SPEF2: variants seen among roughly 807,000 people sequenced by gnomAD.
The protein encoded by SPEF2 is sperm flagella and cilia-associated protein 2.
A neutral mutation model predicts 224.6 loss-of-function variants in SPEF2; 187 were observed. The ratio of observed to expected loss-of-function variants is 0.83; its 90% confidence interval spans 0.74 to 0.94. The LOEUF (loss-of-function observed/expected upper bound fraction) is 0.94. Among genes scored for constraint, SPEF2 ranks in the 40% least tolerant of loss-of-function variants. The pLI is 0.00. For missense variants in SPEF2, 2,170 were observed against 2,135.6 expected, an observed-to-expected ratio of 1.02 and a Z score of -0.32; for synonymous variants, 715 against 707.3, an observed-to-expected ratio of 1.01 and a Z score of -0.17.
rs1477408961 is a variant in SPEF2, at chr5:35,691,148, C to T, written c.1636C>T (p.Pro546Ser). ...CAGGCTAGCTGAAAAATCTCTTCCT[C>T]CTCGAGCGGAATCAACAACACCTGA... ...LHRLAEKSLP[P>S]RAESTTPELP... is the part of the protein sequence containing the mutation. The change falls in exon 11 of 37, where the codon CCT becomes TCT. Residue 546 changes from proline (P) to serine (S), a missense_variant. Pro to Ser is a moderately conservative substitution (Grantham distance 74, BLOSUM62 -1). Coordinates refer to ENST00000356031, the MANE Select transcript of SPEF2 (RefSeq NM_024867.4). 1.2e-6 allele frequency: 2 copies of T among 1,614,076 alleles called. No homozygotes were observed. Among genetic ancestry groups the T allele is most frequent in the East Asian group, 2.2e-5 (1 of 44,860 alleles).
chr5:35,692,849 G>T (rs115906161), intron 12 of SPEF2, 125 bp downstream of exon 12: 28,202 of 792,010 alleles, frequency 0.036, 561 homozygotes, highest in Middle Eastern at 0.045. Context: ...TAAAAGTTTA[G>T]GTTCTGCAAA....
At chr5:35,663,838 G>C (rs1750058354) in intron 8 of SPEF2, among the ~76,000 whole-genome samples, 1 of 152,160 alleles carries the variant, frequency 6.6e-6, no homozygotes, top group Non-Finnish European at 1.5e-5. Flanking sequence ...ACAGTCATCA[G>C]GTGCAAGCCC....
chr5:35,636,016 A>G (rs1745785119), intron 2 of SPEF2, among the ~76,000 whole-genome samples: 1 of 152,112 alleles, frequency 6.6e-6, no homozygotes, highest in Admixed American at 6.6e-5. Flanking sequence ...GTGTCTCATA[A>G]TTTTTGAAAA....
rs1423805642 is a variant in SPEF2, at chr5:35,779,206, T to C, written c.4307T>C (p.Phe1436Ser). 1 of 1,613,878 alleles carries C rather than the reference T, an allele frequency of 6.2e-7. No homozygotes were observed. The highest frequency in any genetic ancestry group is 8.5e-7 in the Non-Finnish European group (1 of 1,179,850). Reference sequence around the variant, plus strand: ...CTTTATTTAAGCCAAGAAGACTTCTTCATTAATGGCAATATAAAAGTCTTC... The same window carrying C: ...CTTTATTTAAGCCAAGAAGACTTCTCCATTAATGGCAATATAAAAGTCTTC... ...NELYLSQEDFFINGNIKVFPD... is the reference protein window; with the variant it reads ...NELYLSQEDFSINGNIKVFPD... Residue 1436 changes from phenylalanine to serine, a missense_variant, in exon 30 of 37, where the codon TTC (phenylalanine) becomes TCC (serine). Transcript: ENST00000356031.
At chr5:35,811,517 G>T (rs951131951) in intron 36 of SPEF2, among the ~76,000 whole-genome samples, 1 of 151,774 alleles carries the variant, frequency 6.6e-6, no homozygotes. Context: ...CACTGACTGG[G>T]TTCATACCTA....
chr5:35,781,365 T>C (rs1168855814), intron 30 of SPEF2: 1 of 151,942 alleles, frequency 6.6e-6, no homozygotes, highest in African/African-American at 2.4e-5. Flanking sequence ...GAGCAAAACT[T>C]TGGAGGGAGA....
chr5:35,718,205 G>C (rs1384947760), intron 20 of SPEF2, among the ~76,000 whole-genome samples: 1 of 152,160 alleles, frequency 6.6e-6, no homozygotes, highest in Non-Finnish European at 1.5e-5. Context: ...AGGCTTCTGG[G>C]TTCCCTTCCC....
chr5:35,659,038 A>T lies in SPEF2; in HGVS notation c.998A>T (p.Gln333Leu). The change falls in exon 8 of 37, where the codon CAG (glutamine) becomes CTG (leucine). Residue 333 changes from glutamine to leucine, a missense_variant. Physicochemically the swap from Gln to Leu is moderately radical, Grantham distance 113. Transcript: ENST00000356031. ...TTTCAGGAGGCTTATCGGGAGGAACAGCTGATTAACCGGCTGATGCGGCAG... is the reference window on the plus strand; with the variant it reads ...TTTCAGGAGGCTTATCGGGAGGAACTGCTGATTAACCGGCTGATGCGGCAG... Reference protein sequence around the residue: ...EAQEEAYREEQLINRLMRQSQ... With the variant: ...EAQEEAYREELLINRLMRQSQ... 1.3e-6 allele frequency: 2 copies of T among 1,575,360 alleles called. No individual in the cohort carries two copies. The highest frequency in any genetic ancestry group is 1.7e-6 in the Non-Finnish European group (2 of 1,157,686).
chr5:35,731,984 G>T (rs1040067878), intron 21 of SPEF2, among the ~76,000 whole-genome samples: 6 of 152,200 alleles, frequency 3.9e-5, no homozygotes, highest in Non-Finnish European at 8.8e-5. Flanking sequence ...AGAAAAGGCA[G>T]TGGGACTTAG....
intron 34 of SPEF2, among the ~76,000 whole-genome samples, chr5:35,801,232 G>A (rs997205881): frequency 4.6e-5 from 7 of 152,200 alleles, no homozygotes; most frequent in African/African-American, 1.7e-4. Context: ...TCCCAAATAA[G>A]GGGCTGGGTG....
chr5:35,797,364 T>G (rs987993598), intron 33 of SPEF2, among the ~76,000 whole-genome samples: 3 of 118,312 alleles, frequency 2.5e-5, no homozygotes, highest in African/African-American at 6.4e-5. Flanking sequence ...GTGTGTGTGA[T>G]GTCCATATGA....
At chr5:35,752,616 G>A (rs1297525226) in intron 23 of SPEF2, among the ~76,000 whole-genome samples, 1 of 210 alleles carries the variant, frequency 4.8e-3, no homozygotes, top group Non-Finnish European at 0.015. Flanking sequence ...TATTATTATT[G>A]CAAAAGCTGT....
In SPEF2 at chr5:35,795,809, T is replaced by G. The variant is rs749568421; in HGVS notation, c.4830+14T>G. 2.5e-6 allele frequency: 4 copies of G among 1,587,812 alleles called. No individual in the cohort carries two copies. In the South Asian group the frequency reaches 4.5e-5, roughly 18 times the overall value. On this transcript the variant is annotated intron_variant, in intron 33 of 36. Coordinates refer to ENST00000356031, the MANE Select transcript of SPEF2 (RefSeq NM_024867.4). ...CATCTTATAGAGGTAATGACTGAGA[T>G]CTTTAAAACATGTGGCATTATAGCA...
chr5:35,790,427 A>AAAAAT (rs1209638719), intron 30 of SPEF2: 11 of 433,436 alleles, frequency 2.5e-5, no homozygotes, highest in Non-Finnish European at 2.8e-5. Flanking sequence ...TTGCATAGTA[A>AAAAAT]AAAATAAAAT....
chr5:35,677,922 C>G (rs1752247185), intron 10 of SPEF2, among the ~76,000 whole-genome samples: 2 of 152,180 alleles, frequency 1.3e-5, no homozygotes, highest in African/African-American at 4.8e-5. Context: ...GAAAAATAAA[C>G]CTGTCACTGC....
Position 35,670,071 on chromosome 5 carries a change from T to TG in SPEF2, c.1368_1369insG (p.Lys457GlufsTer5). ...TTTTGTGCGATAGTCTGATTCCGTA[T>TG]AAGTTGATGCATGATTGGAAGGAAC... On this transcript the variant is annotated frameshift_variant, in exon 10 of 37. Coordinates refer to ENST00000356031, the MANE Select transcript of SPEF2 (RefSeq NM_024867.4). LOFTEE classifies it high-confidence loss of function. The TG allele has an allele frequency of 1.9e-6, 3 of 1,604,024 alleles. No individual in the cohort carries two copies. Among genetic ancestry groups the TG allele is most frequent in the Non-Finnish European group, 2.6e-6 (3 of 1,176,266 alleles).
chr5:35,646,196 A>C, intron 4 of SPEF2, among the ~76,000 whole-genome samples: 1 of 152,128 alleles, frequency 6.6e-6, no homozygotes, highest in East Asian at 1.9e-4. Flanking sequence ...TCATTGTTTA[A>C]GTGTGACTGG....
intron 36 of SPEF2, among the ~76,000 whole-genome samples, chr5:35,811,532 G>C (rs1310294831): frequency 6.6e-6 from 1 of 152,048 alleles, no homozygotes; most frequent in South Asian, 2.1e-4. Flanking sequence ...TACCTATGAA[G>C]TGTGTGGCCT....
At chr5:35,649,667 A>G (rs535168635) in intron 6 of SPEF2, among the ~76,000 whole-genome samples, 1 of 152,336 alleles carries the variant, frequency 6.6e-6, no homozygotes, top group South Asian at 2.1e-4. Context: ...TTTCTGTGCT[A>G]TGTTTATTCT....
Sources: allele counts gnomAD v4.1 joint callset (sites outside exome capture counted in the v4.1 genomes callset), GRCh38; gene constraint gnomAD v4.1.1; transcripts MANE v1.5; gene names NCBI Gene and HGNC (gene_info 2026-07-23, HGNC 2026-07-21).